The following PRAG1 variants were observed in gnomAD, a reference collection of about 807,000 sequenced individuals.
The protein encoded by PRAG1 is PEAK1 related, kinase-activating pseudokinase 1.
A neutral mutation model predicts 95.6 loss-of-function variants in PRAG1; 110 were observed. That is an observed-to-expected ratio of 1.15 (90% CI 0.99 to 1.35). PRAG1 has a LOEUF of 1.35. PRAG1 is among the 40% of genes most tolerant of loss of function. The pLI, the probability that PRAG1 is intolerant of heterozygous loss-of-function variation, is 0.00. For synonymous variants in PRAG1, 1,052 were observed against 819.4 expected (o/e 1.28, Z -4.85); for missense variants, 2,554 against 1,864.7 (o/e 1.37, Z -6.81).
At chr8:8,347,421 C>A (rs187943740) in intron 3 of PRAG1, among the ~76,000 whole-genome samples, 1 of 152,362 alleles carries the variant, frequency 6.6e-6, no homozygotes, top group East Asian at 1.9e-4. Flanking sequence ...CCTCTCTGAC[C>A]TGCAGCTTTC....
chr8:8,374,628 G>A (rs899919606), intron 3 of PRAG1: 3 of 982,086 alleles, frequency 3.1e-6, no homozygotes, highest in South Asian at 4.7e-5. Context: ...CATAGTGAGT[G>A]CCATATAAAT....
chr8:8,375,657 A>C lies in PRAG1; in HGVS notation c.2162+590T>G, dbSNP rs1471915581. ...AACTGTTTGCCTCCCCAAATCTTTA[A>C]AAAAATTTTTTTTAACTTTAACTTT... is the stretch of plus-strand genomic sequence containing the variant. On this transcript the variant is annotated intron_variant, in intron 3 of 5. Transcript: ENST00000615670. Among the ~76,000 whole-genome samples, 3 of 152,136 alleles carry C rather than the reference A, an allele frequency of 2.0e-5. No homozygotes were observed. The East Asian group carries it at 5.8e-4, about 29-fold the overall frequency.
chr8:8,383,580 T>TA (rs982265842), intron 1 of PRAG1, among the ~76,000 whole-genome samples: 2 of 151,648 alleles, frequency 1.3e-5, no homozygotes, highest in Non-Finnish European at 2.9e-5. Flanking sequence ...AGACCCTGTC[T>TA]AAAAAAACAA....
At position 8,327,966 on chromosome 8, in the gene PRAG1, T is replaced by A; in HGVS notation, c.2816A>T (p.His939Leu). Residue 939 changes from histidine (H) to leucine (L), a missense_variant, in exon 5 of 6, where the codon CAC becomes CTC. His to Leu is a moderately conservative substitution (Grantham distance 99). Coordinates refer to ENST00000615670, the MANE Select transcript of PRAG1 (RefSeq NM_001080826.3). ...ASTGSTQLQL[H>L]GLLSNISSKE... Reference sequence around the variant, plus strand: ...GCTGCTGATGTTGCTCAGGAGACCGTGCAGCTGAAGCTGGGTGCTCCCGGT... The same window carrying A: ...GCTGCTGATGTTGCTCAGGAGACCGAGCAGCTGAAGCTGGGTGCTCCCGGT... 1 of 1,606,532 alleles carries A rather than the reference T, an allele frequency of 6.2e-7. No individual in the cohort carries two copies. The highest frequency in any genetic ancestry group is 1.1e-5 in the South Asian group (1 of 90,242).
rs565575092 is a variant in PRAG1, at chr8:8,366,330, T to G, written c.2162+9917A>C. 2.7e-4 allele frequency among the ~76,000 whole-genome samples: 41 copies of G among 150,024 alleles called. 1 individual carries two copies. In the South Asian group the frequency reaches 8.2e-3, roughly 30 times the overall value. ...TGGGAATTCTTTTTTTTTTTTTTTT[T>G]GAGACGGAGTTTCACTCTTGTCATC... On this transcript the variant is annotated intron_variant, in intron 3 of 5. Coordinates refer to ENST00000615670, the MANE Select transcript of PRAG1 (RefSeq NM_001080826.3).
chr8:8,332,401 T>C (rs1177620725), intron 4 of PRAG1, among the ~76,000 whole-genome samples: 2 of 152,114 alleles, frequency 1.3e-5, no homozygotes, highest in African/African-American at 4.8e-5. Context: ...GACCTTCAGG[T>C]GATCCACCCA....
chr8:8,329,337 G>C (rs906406545), intron 4 of PRAG1, among the ~76,000 whole-genome samples: 1 of 152,040 alleles, frequency 6.6e-6, no homozygotes, highest in Non-Finnish European at 1.5e-5. Flanking sequence ...AGGTTGTAGT[G>C]AGCCAAGATT....
At chr8:8,381,856 C>T (rs890413277) in intron 1 of PRAG1, 22 bp from the exon 2 acceptor site, 3 of 831,784 alleles carry the variant, frequency 3.6e-6, no homozygotes, top group Non-Finnish European at 5.5e-6. Context: ...GGACAGTTTC[C>T]TGATTAGAGA....
rs756594972 is a variant in PRAG1 at position 8,318,470 on chromosome 8, T to G, written c.3905A>C (p.Gln1302Pro). The G allele has an allele frequency of 6.2e-7, 1 of 1,612,340 alleles. No homozygotes were observed. ...GGCCTCCAGTAGCAGATGTGCCAGC[T>G]GCTGCAGGCCGGGTGAGTAGAGGGA... The part of the protein sequence containing the change: ...ALSLYSPGLQ[Q>P]LAHLLLEADP... The change falls in exon 6 of 6, where the codon CAG (glutamine) becomes CCG (proline). Residue 1302 changes from glutamine to proline, a missense_variant. Gln to Pro is a moderately conservative substitution (Grantham distance 76). Transcript: ENST00000615670. The surrounding 1 kb of genome is among the most constrained non-coding windows in gnomAD (Gnocchi z 4.2).
chr8:8,365,953 G>A (rs1799988995), intron 3 of PRAG1, among the ~76,000 whole-genome samples: 1 of 152,154 alleles, frequency 6.6e-6, no homozygotes, highest in South Asian at 2.1e-4. Flanking sequence ...ACTACAGCCT[G>A]GGTGACAGAG....
intron 3 of PRAG1, among the ~76,000 whole-genome samples, chr8:8,347,154 A>C (rs1799372382): frequency 6.6e-6 from 1 of 152,224 alleles, no homozygotes; most frequent in East Asian, 1.9e-4. Flanking sequence ...AGAACCTCTT[A>C]CCATTCTAGA....
intron 1 of PRAG1, among the ~76,000 whole-genome samples, chr8:8,382,374 G>T (rs559970762): frequency 6.9e-4 from 105 of 152,358 alleles, no homozygotes; most frequent in African/African-American, 2.3e-3. Context: ...TTCCAACCAG[G>T]TGGAGAAAGG....
intron 5 of PRAG1, among the ~76,000 whole-genome samples, chr8:8,322,428 T>A (rs1423235589): frequency 1.3e-5 from 2 of 152,142 alleles, no homozygotes; most frequent in Non-Finnish European, 2.9e-5. Context: ...GTGATCCAGC[T>A]TGGGCCATTT....
chr8:8,378,228 C>T, intron 2 of PRAG1, 150 bp from the exon 3 acceptor site: 1 of 851,798 alleles, frequency 1.2e-6, no homozygotes, highest in Non-Finnish European at 1.7e-6. Context: ...TCAGTGCACG[C>T]CCACCTTCTC....
rs773193946 is a variant in PRAG1, at chr8:8,328,322, T to C, written c.2460A>G (p.Ile820Met). ...CCGGTGAAGAGGCTGCCCGGCTCAC[T>C]ATCTTTTTCTGGGGGAGTGGAGGGG... is the stretch of plus-strand genomic sequence containing the variant. Reference protein sequence around the residue: ...QQPPPLPQKKIVSRAASSPDG... With the variant: ...QQPPPLPQKKMVSRAASSPDG... The change falls in exon 5 of 6, where the codon ATA (isoleucine) becomes ATG (methionine). Residue 820 changes from isoleucine (I) to methionine (M), a missense_variant. Coordinates refer to ENST00000615670, the MANE Select transcript of PRAG1 (RefSeq NM_001080826.3). 1 of 1,613,542 alleles carries C rather than the reference T, an allele frequency of 6.2e-7. No homozygotes were observed. Among genetic ancestry groups the C allele is most frequent in the African/African-American group, 1.3e-5 (1 of 74,932 alleles).
intron 1 of PRAG1, among the ~76,000 whole-genome samples, chr8:8,382,636 G>T (rs1051525594): frequency 6.6e-6 from 1 of 152,228 alleles, no homozygotes; most frequent in African/African-American, 2.4e-5. Flanking sequence ...TGGCTCTGGA[G>T]AGAAGGCAAT....
chr8:8,377,893 C>G lies in PRAG1; in HGVS notation c.516G>C (p.Glu172Asp), dbSNP rs1337232488. The change falls in exon 3 of 6, where the codon GAG becomes GAC. Residue 172 changes from glutamate (E) to aspartate (D), a missense_variant. Transcript: ENST00000615670. ...VGLHNLEPRG[E>D]RNIAFHPVSF... ...TCACCGGGTGGAAGGCAATGTTCCT[C>G]TCGCCGCGGGGCTCAAGGTTGTGCA... The G allele has an allele frequency of 1.2e-6, 2 of 1,614,110 alleles. No individual in the cohort carries two copies. The highest frequency in any genetic ancestry group is 1.1e-5 in the South Asian group (1 of 91,086).
chr8:8,328,788 A>G (rs542836417), intron 4 of PRAG1, among the ~76,000 whole-genome samples: 10 of 152,284 alleles, frequency 6.6e-5, no homozygotes, highest in African/African-American at 2.2e-4. Flanking sequence ...ACACACACAC[A>G]CACACACACA....
chr8:8,376,718 C>A lies in PRAG1; in HGVS notation c.1691G>T (p.Gly564Val). ...VGSPVSPSAG[G>V]PPVSPLADLS... is the part of the protein sequence containing the mutation. Reference sequence around the variant, plus strand: ...GTCAGCCAGCGGTGACACTGGGGGCCCTCCAGCAGACGGTGACACCGGGGA... The same window carrying A: ...GTCAGCCAGCGGTGACACTGGGGGCACTCCAGCAGACGGTGACACCGGGGA... The change falls in exon 3 of 6, where the codon GGG becomes GTG. Residue 564 changes from glycine to valine, a missense_variant. Gly to Val is a moderately radical substitution (Grantham distance 109). Transcript: ENST00000615670. 6.2e-7 allele frequency: 1 copy of A among 1,610,544 alleles called. No homozygotes were observed. The highest frequency in any genetic ancestry group is 8.5e-7 in the Non-Finnish European group (1 of 1,179,970).
Sources: gnomAD v4.1 joint callset for allele counts (sites outside exome capture counted in the v4.1 genomes callset) on GRCh38, gnomAD v4.1.1 for gene constraint, Gnocchi (gnomAD v3.1) non-coding constraint, MANE v1.5 for transcripts, NCBI Gene and HGNC (gene_info 2026-07-23, HGNC 2026-07-21) for gene names.